The following ATAD1 variants were observed in gnomAD, a reference collection of about 807,000 sequenced individuals.
The protein encoded by ATAD1 is outer mitochondrial transmembrane helix translocase.
Under a neutral mutation model 42.7 loss-of-function variants are expected in ATAD1, and 18 were observed. The ratio of observed to expected loss-of-function variants is 0.42; its 90% CI spans 0.29 to 0.63. The LOEUF is 0.63. Ranked by LOEUF, ATAD1 falls within the 20% of genes least tolerant of loss-of-function variation. The pLI, the probability that ATAD1 is intolerant of heterozygous loss-of-function variation, is 0.19. For synonymous variants in ATAD1, 132 were observed against 143.1 expected (o/e 0.92, Z 0.55); for missense variants, 294 against 440.4 (o/e 0.67, Z 2.98).
chr10:87,825,243 A>T (rs969811280), intron 1 of ATAD1, among the ~76,000 whole-genome samples: 1 of 152,092 alleles, frequency 6.6e-6, no homozygotes, highest in African/African-American at 2.4e-5. Flanking sequence ...TGAGACGCTG[A>T]ACAAGCCTTG....
chr10:87,761,718 A>G (rs2131772673), intron 8 of ATAD1, among the ~76,000 whole-genome samples: 1 of 152,236 alleles, frequency 6.6e-6, no homozygotes, highest in Non-Finnish European at 1.5e-5. Flanking sequence ...AGACAGTACT[A>G]AGAAAGCAGA....
At chr10:87,829,889 A>G (rs753751473) in intron 1 of ATAD1, among the ~76,000 whole-genome samples, 2 of 152,250 alleles carry the variant, frequency 1.3e-5, no homozygotes, top group Non-Finnish European at 1.5e-5. Context: ...AGGATTTAGA[A>G]TATTAGCTGA....
chr10:87,797,858 T>G (rs1856472129), intron 2 of ATAD1, among the ~76,000 whole-genome samples: 1 of 152,176 alleles, frequency 6.6e-6, no homozygotes, highest in Admixed American at 6.5e-5. Context: ...CTGTTTGGCT[T>G]TTCTGCGCAC....
intron 1 of ATAD1, among the ~76,000 whole-genome samples, chr10:87,833,584 T>C (rs556228628): frequency 6.6e-6 from 1 of 152,288 alleles, no homozygotes; most frequent in East Asian, 1.9e-4. Flanking sequence ...CCACATAATA[T>C]ATTAGATGTT....
intron 1 of ATAD1, among the ~76,000 whole-genome samples, chr10:87,825,849 G>A (rs1019132743): frequency 7.2e-5 from 11 of 152,072 alleles, no homozygotes; most frequent in Admixed American, 7.2e-4. Flanking sequence ...TTACAGGTAG[G>A]AGCCACCATG....
At chr10:87,761,486 A>T (rs1422863133) in intron 8 of ATAD1, among the ~76,000 whole-genome samples, 1 of 151,962 alleles carries the variant, frequency 6.6e-6, no homozygotes, top group Non-Finnish European at 1.5e-5. Context: ...ACATGGCGAA[A>T]CCCCATTTCT....
intron 1 of ATAD1, among the ~76,000 whole-genome samples, chr10:87,817,443 C>T (rs968595548): frequency 1.3e-5 from 2 of 152,184 alleles, no homozygotes; most frequent in South Asian, 2.1e-4. Context: ...AATATGGTAT[C>T]AGGTCGTTTC....
intron 2 of ATAD1, among the ~76,000 whole-genome samples, chr10:87,811,626 T>A (rs1416388801): frequency 6.6e-6 from 1 of 152,212 alleles, no homozygotes; most frequent in African/African-American, 2.4e-5. Flanking sequence ...AATATATGTA[T>A]AAATCTTGAT....
intron 1 of ATAD1, among the ~76,000 whole-genome samples, chr10:87,840,869 T>C (rs1374890870): frequency 6.6e-6 from 1 of 152,194 alleles, no homozygotes; most frequent in Non-Finnish European, 1.5e-5. Context: ...TATATGATGA[T>C]ATTTTTATCT....
chr10:87,778,480 C>T (rs1045161875), intron 5 of ATAD1, among the ~76,000 whole-genome samples: 3 of 152,066 alleles, frequency 2.0e-5, no homozygotes, highest in Middle Eastern at 3.2e-3. Flanking sequence ...GGGGATAGAA[C>T]CCAAGTCCGG....
chr10:87,790,521 G>T, intron 3 of ATAD1, 91 bp from the exon 4 acceptor site: 1 of 1,290,192 alleles, frequency 7.8e-7, no homozygotes, highest in Non-Finnish European at 1.0e-6. Flanking sequence ...ATGTTAATCT[G>T]ATGATTATAC....
chr10:87,815,837 G>A (rs1235644108), intron 1 of ATAD1, among the ~76,000 whole-genome samples: 1 of 152,072 alleles, frequency 6.6e-6, no homozygotes, highest in Non-Finnish European at 1.5e-5. Context: ...TAGCTCCAGA[G>A]TCAATTGTAA....
chr10:87,770,184 T>C (rs1018084128), intron 7 of ATAD1, among the ~76,000 whole-genome samples: 5 of 152,184 alleles, frequency 3.3e-5, no homozygotes, highest in South Asian at 2.1e-4. Context: ...AGAATATAAA[T>C]GGGACAAATG....
At chr10:87,822,548 A>G (rs1443869706), upstream of ATAD1, among the ~76,000 whole-genome samples, 1 of 152,242 alleles carries the variant, frequency 6.6e-6, no homozygotes, top group East Asian at 1.9e-4. Context: ...CAAACTTTGC[A>G]TGTTCTCACT....
intron 7 of ATAD1, among the ~76,000 whole-genome samples, chr10:87,768,911 G>A (rs972345512): frequency 6.6e-6 from 1 of 151,990 alleles, no homozygotes; most frequent in East Asian, 1.9e-4. Context: ...AGTGAGACCC[G>A]TCTGTAAAAA....
At position 87,767,840 on chromosome 10, in the gene ATAD1, G is replaced by T. The variant is rs1043336917; in HGVS notation, c.781-117C>A. 8 of 979,932 alleles carry T rather than the reference G, an allele frequency of 8.2e-6. No individual in the cohort carries two copies. The African/African-American group carries it at 1.2e-4, about 14-fold the overall frequency. The allele number at this position is 979,932 out of a possible 1,614,324, so 60.7% of individuals were successfully genotyped here. On this transcript the variant is annotated intron_variant, in intron 7 of 9. Coordinates refer to ENST00000680024, the MANE Select transcript of ATAD1 (RefSeq NM_001321967.2). ...TCTCTCTCAATACTTATAAGGAGAT[G>T]ACAGAAACTTTGAAGAGGTCAAAGC... is the stretch of plus-strand genomic sequence containing the variant.
intron 2 of ATAD1, among the ~76,000 whole-genome samples, chr10:87,811,682 T>C (rs1351833287): frequency 6.6e-6 from 1 of 151,432 alleles, no homozygotes; most frequent in African/African-American, 2.4e-5. Context: ...GTTCTACAAA[T>C]GATATCTACA....
chr10:87,826,915 A>G (rs878970188), intron 1 of ATAD1, among the ~76,000 whole-genome samples: 1 of 152,150 alleles, frequency 6.6e-6, no homozygotes, highest in African/African-American at 2.4e-5. Flanking sequence ...TCATAGGCCA[A>G]AAAGAGAAGA....
At chr10:87,798,905 T>A (rs532056377) in intron 2 of ATAD1, among the ~76,000 whole-genome samples, 1 of 152,228 alleles carries the variant, frequency 6.6e-6, no homozygotes, top group African/African-American at 2.4e-5. Context: ...TTTTTATGAA[T>A]CTATAATATG....
Sources: allele counts gnomAD v4.1 joint callset (sites outside exome capture counted in the v4.1 genomes callset), GRCh38; gene constraint gnomAD v4.1.1; transcripts MANE v1.5; gene names NCBI Gene and HGNC (gene_info 2026-07-23, HGNC 2026-07-21).